FOCAD: variants seen among roughly 807,000 people sequenced by gnomAD.
The protein encoded by FOCAD is KIAA1797.
FOCAD carries 198 observed loss-of-function variants against 225.6 expected under a neutral mutation model. The observed-to-expected ratio is 0.88, with a 90% CI of 0.78 to 0.99. The LOEUF (loss-of-function observed/expected upper bound fraction) is 0.99, where lower values mean the gene tolerates loss of function less well. Ranked by LOEUF, FOCAD falls within the 50% of genes least tolerant of loss-of-function variation. The pLI is 0.00. For synonymous variants in FOCAD, 897 were observed against 755.0 expected (o/e 1.19, Z -3.08); for missense variants, 2,713 against 2,123.6 (o/e 1.28, Z -5.46).
chr9:20,763,099 A>G (rs945699519), intron 6 of FOCAD, among the ~76,000 whole-genome samples: 2 of 152,178 alleles, frequency 1.3e-5, no homozygotes, highest in African/African-American at 4.8e-5. Flanking sequence ...CATTCCTTAT[A>G]TATAAGAATG....
Position 20,995,776 on chromosome 9 carries a change from T to C in FOCAD, c.*147T>C. On this transcript the variant is annotated 3_prime_UTR_variant, in exon 44 of 44. Coordinates refer to ENST00000338382, the MANE Select transcript of FOCAD (RefSeq NM_001375567.1). ...AAAAGATGGCCACATCACTGACAGC[T>C]TGACACATGCCTCCTAAGAGAGGAG... 1.6e-6 allele frequency: 1 copy of C among 615,150 alleles called. No individual in the cohort carries two copies. The highest frequency in any genetic ancestry group is 2.8e-6 in the Non-Finnish European group (1 of 354,788). The allele number at this position is 615,150 out of a possible 1,614,324, so 38.1% of individuals were successfully genotyped here.
intron 18 of FOCAD, among the ~76,000 whole-genome samples, chr9:20,868,707 CTT>C (rs962315629): frequency 6.8e-6 from 1 of 146,888 alleles, no homozygotes. Context: ...TGCTTTTCAG[CTT>C]TTTTTTTTTC....
At chr9:20,759,331 C>T (rs1336786790) in intron 6 of FOCAD, among the ~76,000 whole-genome samples, 7 of 152,102 alleles carry the variant, frequency 4.6e-5, no homozygotes, top group Admixed American at 2.6e-4. Flanking sequence ...GCTACAGTCA[C>T]CAAAACAGCA....
intron 25 of FOCAD, among the ~76,000 whole-genome samples, chr9:20,924,654 G>A (rs1367649134): frequency 2.0e-5 from 3 of 151,800 alleles, no homozygotes; most frequent in Non-Finnish European, 4.4e-5. Context: ...TGTTGTTGTG[G>A]GTTTTTTGGT....
intron 2 of FOCAD, among the ~76,000 whole-genome samples, chr9:20,663,628 C>G (rs751397994): frequency 3.3e-5 from 5 of 152,092 alleles, no homozygotes; most frequent in Non-Finnish European, 7.4e-5. Context: ...GCCCTCTTTT[C>G]AAAGAATTCA....
intron 21 of FOCAD, among the ~76,000 whole-genome samples, chr9:20,906,483 TAGC>T (rs1327675021): frequency 7.9e-5 from 12 of 152,082 alleles, no homozygotes; most frequent in Non-Finnish European, 1.2e-4. Context: ...TGTTGCAAGA[TAGC>T]CATGTACTAA....
intron 35 of FOCAD, among the ~76,000 whole-genome samples, chr9:20,974,982 T>G (rs979987446): frequency 1.3e-5 from 2 of 152,170 alleles, no homozygotes; most frequent in African/African-American, 4.8e-5. Context: ...TGACTCTACT[T>G]CCACGCTGAT....
chr9:20,720,053 T>C (rs1209017205), intron 3 of FOCAD, among the ~76,000 whole-genome samples: 1 of 152,136 alleles, frequency 6.6e-6, no homozygotes, highest in Admixed American at 6.5e-5. Flanking sequence ...TAGTGTCTGG[T>C]TAAATTGTTT....
intron 2 of FOCAD, chr9:20,716,141 G>A: frequency 4.1e-6 from 2 of 484,452 alleles, no homozygotes; most frequent in Non-Finnish European, 8.9e-6. Context: ...CTTCCATGAG[G>A]AGTAGAACAC....
At chr9:20,976,872 C>T (rs887338619) in intron 36 of FOCAD, among the ~76,000 whole-genome samples, 3 of 152,124 alleles carry the variant, frequency 2.0e-5, no homozygotes, top group Admixed American at 6.6e-5. Context: ...CCATAGGTTT[C>T]GAGAAGTACC....
chr9:20,827,303 G>A (rs886446008), intron 15 of FOCAD, among the ~76,000 whole-genome samples: 1 of 151,952 alleles, frequency 6.6e-6, no homozygotes, highest in Non-Finnish European at 1.5e-5. Flanking sequence ...ATCATATGAT[G>A]TGTTGTCTTT....
intron 15 of FOCAD, among the ~76,000 whole-genome samples, chr9:20,830,772 G>A (rs1452630509): frequency 6.6e-6 from 1 of 151,988 alleles, no homozygotes; most frequent in Non-Finnish European, 1.5e-5. Flanking sequence ...TTATCTCTGG[G>A]TGCAAGGGAT....
intron 21 of FOCAD, among the ~76,000 whole-genome samples, chr9:20,896,675 A>C (rs1027506890): frequency 7.9e-5 from 12 of 151,810 alleles, no homozygotes; most frequent in African/African-American, 2.9e-4. Flanking sequence ...TTATTTCCTT[A>C]TTATCCTTTC....
intron 35 of FOCAD, among the ~76,000 whole-genome samples, chr9:20,966,834 C>T (rs558425951): frequency 6.6e-6 from 1 of 152,082 alleles, no homozygotes; most frequent in South Asian, 2.1e-4. Context: ...TAAATATATA[C>T]GTAATTTCTA....
chr9:20,786,050 G>A (rs974438688), intron 10 of FOCAD, among the ~76,000 whole-genome samples: 1 of 152,112 alleles, frequency 6.6e-6, no homozygotes, highest in Admixed American at 6.6e-5. Context: ...AGATTAGAGC[G>A]GTTAACTTTT....
intron 18 of FOCAD, 48 bp from the exon 19 acceptor site, chr9:20,874,633 A>T: frequency 6.4e-7 from 1 of 1,571,948 alleles, no homozygotes; most frequent in East Asian, 2.3e-5. Flanking sequence ...GATTTTGCAT[A>T]ATGTTTTATT....
At chr9:20,769,252 A>G (rs937025618) in intron 7 of FOCAD, among the ~76,000 whole-genome samples, 4 of 152,182 alleles carry the variant, frequency 2.6e-5, no homozygotes, top group African/African-American at 9.7e-5. Flanking sequence ...TTGGGTTATT[A>G]TGGTGATAAC....
At chr9:20,703,953 C>A (rs947254087) in intron 1 of FOCAD, among the ~76,000 whole-genome samples, 1 of 152,192 alleles carries the variant, frequency 6.6e-6, no homozygotes, top group African/African-American at 2.4e-5. Flanking sequence ...CCTTTAGCCC[C>A]CAAAGGGGGC....
intron 15 of FOCAD, among the ~76,000 whole-genome samples, chr9:20,839,917 A>C (rs758422762): frequency 2.0e-5 from 3 of 152,106 alleles, no homozygotes; most frequent in Admixed American, 6.6e-5. Flanking sequence ...TGAGGTGACT[A>C]TCCTTTCCCC....
Sources: gnomAD v4.1 joint callset for allele counts (sites outside exome capture counted in the v4.1 genomes callset) on GRCh38, gnomAD v4.1.1 for gene constraint, MANE v1.5 for transcripts, NCBI Gene and HGNC (gene_info 2026-07-23, HGNC 2026-07-21) for gene names.